AQP9: variants seen among roughly 807,000 people sequenced by gnomAD.
AQP9 encodes the protein aquaporin-9.
In AQP9, 19 loss-of-function variants were observed where a neutral mutation model predicts 23.8. The observed-to-expected ratio is 0.80, with a 90% CI of 0.56 to 1.17. The LOEUF (loss-of-function observed/expected upper bound fraction) is 1.17, where lower values mean the gene tolerates loss of function less well. Ranked by LOEUF, AQP9 falls within the 50% of genes most tolerant of loss-of-function variation. The pLI is 0.00. For missense variants in AQP9, 413 were observed against 362.0 expected (o/e 1.14, Z -1.14); for synonymous variants, 153 against 131.5 (o/e 1.16, Z -1.12).
At chr15:58,167,709 GTTTGTTTGTTT>G (rs1898538811) in intron 2 of AQP9, among the ~76,000 whole-genome samples, 1 of 151,826 alleles carries the variant, frequency 6.6e-6, no homozygotes, top group South Asian at 2.1e-4. Context: ...CTCATTTTTT[GTTTGTTTGTTT>G]TTTGTTTGGT....
chr15:58,148,226 T>A (rs1898083770), intron 1 of AQP9, among the ~76,000 whole-genome samples: 2 of 152,016 alleles, frequency 1.3e-5, no homozygotes. Flanking sequence ...GTGAAAAAAA[T>A]ACATGTGGTC....
intron 1 of AQP9, among the ~76,000 whole-genome samples, chr15:58,145,393 C>G (rs527474562): frequency 6.6e-6 from 1 of 151,836 alleles, no homozygotes; most frequent in Admixed American, 6.6e-5. Context: ...ATCCCAGCTA[C>G]TCAGGAGGCT....
chr15:58,163,950 A>T (rs1898442588), intron 1 of AQP9: 1 of 152,398 alleles, frequency 6.6e-6, no homozygotes, highest in African/African-American at 2.4e-5. Context: ...GGAGGCAGTT[A>T]CCTGGCTTCC....
intron 2 of AQP9, among the ~76,000 whole-genome samples, chr15:58,170,870 C>A (rs1368804933): frequency 4.6e-5 from 7 of 152,232 alleles, no homozygotes; most frequent in Admixed American, 3.9e-4. Context: ...AAGAAATCTC[C>A]CATTGGTAGA....
At chr15:58,162,448 C>T (rs1898403306) in intron 1 of AQP9, among the ~76,000 whole-genome samples, 1 of 152,194 alleles carries the variant, frequency 6.6e-6, no homozygotes, top group African/African-American at 2.4e-5. Flanking sequence ...GCTCCAACCA[C>T]AGGAACAATG....
Position 58,185,826 on chromosome 15 carries a change from A to G in AQP9, c.*1691A>G, listed in dbSNP as rs1899018739. 2 of 152,244 alleles carry G rather than the reference A, an allele frequency of 1.3e-5. No individual in the cohort carries two copies. Among genetic ancestry groups the G allele is most frequent in the South Asian group, 4.1e-4 (2 of 4,830 alleles). The allele number at this position is 152,244 out of a possible 1,614,324, so 9.4% of individuals were successfully genotyped here. A position where few individuals can be genotyped will look rare whatever the true frequency, so the allele number is the denominator to read the frequency against. On this transcript the variant is annotated 3_prime_UTR_variant, in exon 6 of 6. Transcript: ENST00000219919. ...TGTTTCTGATGACTTATGTTCTACA[A>G]TCTATGGACATACGGGATTTTTTTT...
intron 1 of AQP9, chr15:58,153,633 C>A (rs923663211): frequency 1.3e-5 from 2 of 152,152 alleles, no homozygotes; most frequent in Non-Finnish European, 2.9e-5. Flanking sequence ...CATCCATAAT[C>A]TCAGTGATGA....
chr15:58,172,574 AC>A (rs1403728252), intron 2 of AQP9, among the ~76,000 whole-genome samples: 2 of 152,168 alleles, frequency 1.3e-5, no homozygotes, highest in Non-Finnish European at 2.9e-5. Flanking sequence ...ACCCTCAGCA[AC>A]CCACAGTCAT....
chr15:58,166,940 TA>T, intron 2 of AQP9, 141 bp downstream of exon 2: 1 of 1,147,110 alleles, frequency 8.7e-7, no homozygotes, highest in Non-Finnish European at 1.1e-6. Context: ...TTTTTATAGA[TA>T]AAATTAAAAT....
chr15:58,173,323 G>C (rs1177016448), intron 3 of AQP9, 118 bp downstream of exon 3: 1 of 1,424,988 alleles, frequency 7.0e-7, no homozygotes, highest in East Asian at 2.3e-5. Context: ...ACAAGTGACA[G>C]CAAGTTCTAA....
chr15:58,147,671 T>C (rs1898072508), intron 1 of AQP9, among the ~76,000 whole-genome samples: 1 of 152,124 alleles, frequency 6.6e-6, no homozygotes, highest in Non-Finnish European at 1.5e-5. Flanking sequence ...TTAGAGTCTT[T>C]CTGGAAATTC....
At chr15:58,179,509 A>ATG (rs3052103) in intron 5 of AQP9, among the ~76,000 whole-genome samples, 164 bp downstream of exon 5, 36,806 of 148,354 alleles carry the variant, frequency 0.25, 4,608 homozygotes, top group Middle Eastern at 0.3. Flanking sequence ...TTGTGGTATG[A>ATG]TGTGTGTGTG....
chr15:58,165,151 A>G (rs1264765754), intron 1 of AQP9, among the ~76,000 whole-genome samples: 2 of 152,046 alleles, frequency 1.3e-5, no homozygotes, highest in African/African-American at 2.4e-5. Context: ...CCATCTAATC[A>G]TCTAATAATT....
intron 1 of AQP9, among the ~76,000 whole-genome samples, chr15:58,143,893 C>T (rs1897993854): frequency 6.6e-6 from 1 of 152,172 alleles, no homozygotes; most frequent in African/African-American, 2.4e-5. Context: ...TGTGCATCCT[C>T]AACTTTATGT....
At chr15:58,142,506 T>G (rs1418729692) in intron 1 of AQP9, among the ~76,000 whole-genome samples, 1 of 152,212 alleles carries the variant, frequency 6.6e-6, no homozygotes, top group East Asian at 1.9e-4. Flanking sequence ...AGCAGAGTCT[T>G]GGGATCTCTT....
chr15:58,152,512 A>T (rs1361736921), intron 1 of AQP9: 1 of 152,176 alleles, frequency 6.6e-6, no homozygotes, highest in Non-Finnish European at 1.5e-5. Context: ...TGCATACTGT[A>T]AATATAGTAT....
At chr15:58,179,395 C>T in intron 5 of AQP9, 50 bp downstream of exon 5, 4 of 1,522,890 alleles carry the variant, frequency 2.6e-6, no homozygotes, top group Non-Finnish European at 2.7e-6. Flanking sequence ...CTGCGCCTCA[C>T]CAGTGGGGCG....
At chr15:58,146,397 G>A (rs68100116) in intron 1 of AQP9, among the ~76,000 whole-genome samples, 8,057 of 151,870 alleles carry the variant, frequency 0.053, 532 homozygotes, top group African/African-American at 0.15. Flanking sequence ...TGTTTAACAC[G>A]TTCATTGAGT....
chr15:58,182,706 GC>G (rs1898920195), intron 5 of AQP9, among the ~76,000 whole-genome samples: 1 of 152,144 alleles, frequency 6.6e-6, no homozygotes, highest in African/African-American at 2.4e-5. Flanking sequence ...GCCGAGTACA[GC>G]ATCCTCGCTG....
Sources: allele counts gnomAD v4.1 joint callset (sites outside exome capture counted in the v4.1 genomes callset), GRCh38; gene constraint gnomAD v4.1.1; transcripts MANE v1.5; gene names NCBI Gene and HGNC (gene_info 2026-07-23, HGNC 2026-07-21).